SLAIN2: variants seen among roughly 807,000 people sequenced by gnomAD.
SLAIN2 encodes the protein SLAIN family member 2, also known as SLAIN motif-containing protein 2.
A neutral mutation model predicts 56.6 loss-of-function variants in SLAIN2; 31 were observed. That is an observed-to-expected ratio of 0.55 (90% CI 0.41 to 0.74). The LOEUF (loss-of-function observed/expected upper bound fraction) is 0.74. SLAIN2 is among the 30% of genes least tolerant of loss of function. The pLI is 0.00. For missense variants in SLAIN2, 777 were observed against 754.2 expected, an observed-to-expected ratio of 1.03 and a Z score of -0.35; for synonymous variants, 317 against 284.9, an observed-to-expected ratio of 1.11 and a Z score of -1.13.
intron 1 of SLAIN2, among the ~76,000 whole-genome samples, chr4:48,363,975 G>T (rs1715430632): frequency 8.1e-6 from 1 of 122,790 alleles, no homozygotes; most frequent in African/African-American, 2.9e-5. Context: ...GCAGGGGGCT[G>T]ACCCCCCCCA....
rs1198715469 is a variant in SLAIN2, at chr4:48,425,638, C to G, written c.*3561C>G. ...AAGACACCCTTCTGTTTTTTTCTCT[C>G]AAGCCAGTCTAAAAACTTGAAGAGC... On this transcript the variant is annotated 3_prime_UTR_variant, in exon 8 of 8. Coordinates refer to ENST00000264313, the MANE Select transcript of SLAIN2 (RefSeq NM_020846.2). 1 of 152,004 alleles carries G rather than the reference C, an allele frequency of 6.6e-6. No individual in the cohort carries two copies. The highest frequency in any genetic ancestry group is 1.9e-4 in the East Asian group (1 of 5,204). 9.4% of individuals were successfully genotyped at this position (152,004 alleles called of 1,614,324 possible).
At chr4:48,407,155 C>T (rs1327655248) in intron 6 of SLAIN2, among the ~76,000 whole-genome samples, 1 of 151,902 alleles carries the variant, frequency 6.6e-6, no homozygotes, top group African/African-American at 2.4e-5. Context: ...TTTCTTGTTT[C>T]TAATATTTGT....
rs562163991 is a variant in SLAIN2, at chr4:48,369,751, C to T, written c.390-98C>T. ...TTTAAAATATACTCCATGACTTTTA[C>T]TCCCTTCTCCCCTATTTAAATCGAT... is the stretch of plus-strand genomic sequence containing the variant. On this transcript the variant is annotated intron_variant, in intron 1 of 7. Coordinates refer to ENST00000264313, the MANE Select transcript of SLAIN2 (RefSeq NM_020846.2). The T allele has an allele frequency of 1.9e-5, 20 of 1,060,046 alleles. No homozygotes were observed. The East Asian group carries it at 4.7e-4, about 25-fold the overall frequency. The allele number at this position is 1,060,046 out of a possible 1,614,324, so 65.7% of individuals were successfully genotyped here.
chr4:48,372,041 T>C (rs575503755), intron 2 of SLAIN2, among the ~76,000 whole-genome samples: 2 of 134,766 alleles, frequency 1.5e-5, no homozygotes, highest in East Asian at 2.1e-4. Flanking sequence ...TATATACATA[T>C]ACATATATAC....
chr4:48,382,670 A>G lies in SLAIN2; in HGVS notation c.965A>G (p.Gln322Arg), dbSNP rs1715998493. ...GTFSDQELDAQSLDDEDDNMH... is the reference protein window; with the variant it reads ...GTFSDQELDARSLDDEDDNMH... ...TTTAGTGATCAGGAACTTGATGCAC[A>G]AAGTTTAGATGATGAAGATGACAAT... Residue 322 changes from glutamine (Q) to arginine (R), a missense_variant, in exon 5 of 8, where the codon CAA becomes CGA. Physicochemically the swap from Gln to Arg is conservative, Grantham distance 43 (BLOSUM62 1). Transcript: ENST00000264313. 6.2e-7 allele frequency: 1 copy of G among 1,613,808 alleles called. No homozygotes were observed. Among genetic ancestry groups the G allele is most frequent in the Admixed American group, 1.7e-5 (1 of 59,996 alleles).
chr4:48,392,474 C>T (rs1716261090), intron 6 of SLAIN2, among the ~76,000 whole-genome samples: 2 of 152,044 alleles, frequency 1.3e-5, no homozygotes, highest in African/African-American at 4.8e-5. Context: ...TAATGGTTAA[C>T]AGTGTGGACT....
intron 6 of SLAIN2, among the ~76,000 whole-genome samples, chr4:48,401,333 A>G (rs1577732779): frequency 6.6e-6 from 1 of 152,062 alleles, no homozygotes; most frequent in Non-Finnish European, 1.5e-5. Flanking sequence ...TATCTTTGTT[A>G]ATTTTCTGTC....
At chr4:48,410,588 A>G (rs1289219897) in intron 6 of SLAIN2, among the ~76,000 whole-genome samples, 2 of 152,066 alleles carry the variant, frequency 1.3e-5, no homozygotes, top group Non-Finnish European at 2.9e-5. Flanking sequence ...CCCCTTCGGT[A>G]CTTGGAGCTT....
intron 1 of SLAIN2, among the ~76,000 whole-genome samples, chr4:48,344,328 A>G (rs1315143688): frequency 6.6e-6 from 1 of 152,128 alleles, no homozygotes; most frequent in Non-Finnish European, 1.5e-5. Flanking sequence ...CAAAGTCAAT[A>G]TTTTTTCCTT....
chr4:48,391,480 T>C (rs1174205805), intron 6 of SLAIN2, among the ~76,000 whole-genome samples: 2 of 152,238 alleles, frequency 1.3e-5, no homozygotes, highest in Admixed American at 6.5e-5. Flanking sequence ...AGGAGTGCTT[T>C]TATAACTGAT....
At chr4:48,376,224 C>T (rs1469910288) in intron 2 of SLAIN2, among the ~76,000 whole-genome samples, 2 of 152,156 alleles carry the variant, frequency 1.3e-5, no homozygotes, top group Admixed American at 1.3e-4. Context: ...GAGGCCAAGG[C>T]AGGCGGATCA....
Position 48,377,955 on chromosome 4 carries a change from T to C in SLAIN2, c.598T>C (p.Tyr200His), listed in dbSNP as rs777953940. The change falls in exon 3 of 8, where the codon TAC becomes CAC. Residue 200 changes from tyrosine to histidine, a missense_variant. Tyr to His is a moderately conservative substitution (Grantham distance 83). Coordinates refer to ENST00000264313, the MANE Select transcript of SLAIN2 (RefSeq NM_020846.2). ...CAACTCTATGAGTTACACCAGTCCTTACAGTCCAAATGCCAGTAGCCCATA... is the reference window on the plus strand; with the variant it reads ...CAACTCTATGAGTTACACCAGTCCTCACAGTCCAAATGCCAGTAGCCCATA... ...PFNSMSYTSP[Y>H]SPNASSPYSS... 1 of 1,613,830 alleles carries C rather than the reference T, an allele frequency of 6.2e-7. No homozygotes were observed. The highest frequency in any genetic ancestry group is 1.3e-5 in the African/African-American group (1 of 74,914).
intron 6 of SLAIN2, among the ~76,000 whole-genome samples, chr4:48,409,793 A>C (rs1162160201): frequency 1.3e-5 from 2 of 152,188 alleles, no homozygotes; most frequent in African/African-American, 4.8e-5. Context: ...CTGAGGTAGG[A>C]GAACTGCTTG....
intron 7 of SLAIN2, 189 bp downstream of exon 7, chr4:48,420,632 A>G: frequency 1.3e-6 from 1 of 748,114 alleles, no homozygotes; most frequent in Non-Finnish European, 2.1e-6. Context: ...GACTTTTACC[A>G]GTTTGGTTCA....
At chr4:48,342,673 C>T (rs1039762588) in intron 1 of SLAIN2, among the ~76,000 whole-genome samples, 4 of 142,200 alleles carry the variant, frequency 2.8e-5, no homozygotes, top group Non-Finnish European at 6.1e-5. Flanking sequence ...GTGGGGTAAA[C>T]CTTGCTTTGT....
chr4:48,362,029 A>C (rs1382757053), intron 1 of SLAIN2, among the ~76,000 whole-genome samples: 1 of 152,186 alleles, frequency 6.6e-6, no homozygotes, highest in East Asian at 1.9e-4. Context: ...GTGACCTTGC[A>C]GAACACATTT....
At chr4:48,393,463 T>C (rs1716286671) in intron 6 of SLAIN2, among the ~76,000 whole-genome samples, 1 of 151,488 alleles carries the variant, frequency 6.6e-6, no homozygotes, top group Non-Finnish European at 1.5e-5. Context: ...GATCTCAAAC[T>C]CCTGGGCTCA....
chr4:48,341,991 G>A lies in SLAIN2; in HGVS notation c.252G>A (p.Arg84=), dbSNP rs1156499373. Residue 84 remains arginine, a synonymous_variant, in exon 1 of 8, where the codon AGG becomes AGA. Transcript: ENST00000264313. The part of the protein sequence containing the change: ...KSGGGPGSGP[R]RTSSEELRDA... ...GCGGCGGGCCCGGGTCGGGCCCGAG[G>A]CGGACGAGTAGCGAAGAGCTGCGGG... The A allele has an allele frequency of 2.1e-6, 3 of 1,429,376 alleles. No individual in the cohort carries two copies. In the South Asian group the frequency reaches 4.5e-5, roughly 22 times the overall value. The allele number at this position is 1,429,376 out of a possible 1,614,324, so 88.5% of individuals were successfully genotyped here. A position where few individuals can be genotyped will look rare whatever the true frequency, so the allele number is the denominator to read the frequency against.
At chr4:48,390,611 G>C (rs1041648299) in intron 6 of SLAIN2, among the ~76,000 whole-genome samples, 1 of 151,994 alleles carries the variant, frequency 6.6e-6, no homozygotes, top group African/African-American at 2.4e-5. Context: ...TTTTATAACT[G>C]TCAGTAAAAA....
Sources: allele counts gnomAD v4.1 joint callset (sites outside exome capture counted in the v4.1 genomes callset), GRCh38; gene constraint gnomAD v4.1.1; transcripts MANE v1.5; gene names NCBI Gene and HGNC (gene_info 2026-07-23, HGNC 2026-07-21).